Variants in THRB observed in about 807,000 individuals in gnomAD.
THRB encodes nuclear receptor subfamily 1 group A member 2.
A neutral mutation model predicts 47.8 loss-of-function variants in THRB; 12 were observed. The observed-to-expected ratio is 0.25, with a 90% CI of 0.16 to 0.41. The LOEUF (loss-of-function observed/expected upper bound fraction) is 0.41, where lower values mean the gene tolerates loss of function less well. THRB is among the 10% of genes least tolerant of loss of function. The pLI, the probability that THRB is intolerant of heterozygous loss-of-function variation, is 1.00. For missense variants in THRB, 348 were observed against 589.2 expected (o/e 0.59, Z 4.24); for synonymous variants, 218 against 212.2 (o/e 1.03, Z -0.24).
At chr3:24,316,261 C>T (rs569372639) in intron 2 of THRB, among the ~76,000 whole-genome samples, 1 of 152,280 alleles carries the variant, frequency 6.6e-6, no homozygotes, top group African/African-American at 2.4e-5. Flanking sequence ...TTTGGCTGAG[C>T]ACATACTTCT....
In THRB at chr3:24,206,027, C is replaced by G. The variant is rs182919712; in HGVS notation, c.23-15693G>C. On this transcript the variant is annotated intron_variant, in intron 4 of 10. Transcript: ENST00000646209. ...AAGTCCTTAGTGACCTACAAAGAGA[C>G]TTAGACTCCCACACAATAATAATGG... is the stretch of plus-strand genomic sequence containing the variant. Among the ~76,000 whole-genome samples, 880 of 152,298 alleles carry G rather than the reference C, an allele frequency of 5.8e-3. 9 individuals are homozygous for G. Among genetic ancestry groups the G allele is most frequent in the South Asian group, 0.042 (202 of 4,812 alleles).
chr3:24,192,657 C>A (rs2043490883), intron 4 of THRB, among the ~76,000 whole-genome samples: 1 of 152,094 alleles, frequency 6.6e-6, no homozygotes, highest in African/African-American at 2.4e-5. Context: ...CCTTAAAGTG[C>A]AGCCTATTAA....
chr3:24,428,961 T>TG (rs1172150754), intron 1 of THRB, among the ~76,000 whole-genome samples: 4 of 150,900 alleles, frequency 2.7e-5, no homozygotes, highest in Non-Finnish European at 5.9e-5. Flanking sequence ...TCAGAAATAA[T>TG]GGGAAAAAAC....
intron 1 of THRB, among the ~76,000 whole-genome samples, chr3:24,438,672 G>A (rs1303351372): frequency 1.3e-5 from 2 of 152,164 alleles, no homozygotes; most frequent in Non-Finnish European, 2.9e-5. Flanking sequence ...ACAGAAAACT[G>A]AAGCCTGCTG....
rs2052234746 is a variant in THRB, at chr3:24,262,984, G to A, written c.-42-33983C>T. 3.3e-5 allele frequency among the ~76,000 whole-genome samples: 5 copies of A among 152,108 alleles called. No homozygotes were observed. In the South Asian group the frequency reaches 6.2e-4, roughly 19 times the overall value. ...CTTTCATCCAGTTTAGGTGGCTGGC[G>A]AAAACTGAACATGTCTTCTAGAGTA... On this transcript the variant is annotated intron_variant, in intron 3 of 10. Coordinates refer to ENST00000646209, the MANE Select transcript of THRB (RefSeq NM_001354712.2).
intron 3 of THRB, among the ~76,000 whole-genome samples, chr3:24,268,910 A>C (rs904749976): frequency 6.6e-6 from 1 of 152,170 alleles, no homozygotes; most frequent in African/African-American, 2.4e-5. Flanking sequence ...AAAAGAAAAT[A>C]GAAAATTTCT....
chr3:24,188,915 C>A (rs1302544495), intron 5 of THRB, among the ~76,000 whole-genome samples: 1 of 125,312 alleles, frequency 8.0e-6, no homozygotes, highest in Non-Finnish European at 1.6e-5. Context: ...ACAAACCTTT[C>A]CAAAGGGACA....
At chr3:24,460,403 G>A (rs2073589924) in intron 1 of THRB, among the ~76,000 whole-genome samples, 1 of 152,150 alleles carries the variant, frequency 6.6e-6, no homozygotes, top group Non-Finnish European at 1.5e-5. Flanking sequence ...TCAGCAATGG[G>A]AAAAGTGACA....
At chr3:24,323,244 T>A (rs2058601263) in intron 2 of THRB, among the ~76,000 whole-genome samples, 1 of 151,514 alleles carries the variant, frequency 6.6e-6, no homozygotes, top group Admixed American at 6.6e-5. Flanking sequence ...TTTTTTTGGA[T>A]CCTGTTGTCT....
intron 2 of THRB, among the ~76,000 whole-genome samples, chr3:24,318,937 T>C (rs1041532753): frequency 6.6e-6 from 1 of 152,202 alleles, no homozygotes; most frequent in Non-Finnish European, 1.5e-5. Flanking sequence ...TCAAAAACCA[T>C]TGCACATGCA....
At chr3:24,383,654 C>A (rs902963470) in intron 1 of THRB, among the ~76,000 whole-genome samples, 1 of 152,136 alleles carries the variant, frequency 6.6e-6, no homozygotes, top group Admixed American at 6.6e-5. Flanking sequence ...TAACACAATT[C>A]TCTTTTCTTG....
chr3:24,392,729 A>G (rs116724599), intron 1 of THRB, among the ~76,000 whole-genome samples: 1 of 152,150 alleles, frequency 6.6e-6, no homozygotes, highest in East Asian at 1.9e-4. Flanking sequence ...TAGTCTTTAC[A>G]TAGTTATAGT....
chr3:24,494,465 C>T (rs1313091170), intron 1 of THRB, 187 bp downstream of exon 1: 2 of 151,796 alleles, frequency 1.3e-5, no homozygotes, highest in East Asian at 2.0e-4. Context: ...CTCCCAGATC[C>T]GGGGCGCAGA....
intron 1 of THRB, among the ~76,000 whole-genome samples, chr3:24,408,887 A>G (rs1160974523): frequency 2.3e-4 from 35 of 151,962 alleles, no homozygotes; most frequent in Non-Finnish European, 4.4e-5. Flanking sequence ...ACATTAAACT[A>G]TACTCTATAA....
chr3:24,486,915 A>G (rs1330608269), intron 1 of THRB, among the ~76,000 whole-genome samples: 1 of 152,246 alleles, frequency 6.6e-6, no homozygotes, highest in Non-Finnish European at 1.5e-5. Context: ...TTAGAAGTAT[A>G]GCAGAAATTG....
chr3:24,488,952 T>C (rs1222738817), intron 1 of THRB, among the ~76,000 whole-genome samples: 1 of 152,166 alleles, frequency 6.6e-6, no homozygotes, highest in East Asian at 1.9e-4. Context: ...TGGATGTTGG[T>C]CAATCAATAA....
Position 24,409,584 on chromosome 3 carries a change from T to C in THRB, c.-260-72213A>G, listed in dbSNP as rs908533472. Among the ~76,000 whole-genome samples, 3 of 151,790 alleles carry C rather than the reference T, an allele frequency of 2.0e-5. No individual in the cohort carries two copies. In the East Asian group the frequency reaches 5.9e-4, roughly 30 times the overall value. On this transcript the variant is annotated intron_variant, in intron 1 of 10. Coordinates refer to ENST00000646209, the MANE Select transcript of THRB (RefSeq NM_001354712.2). ...GAATTACAGTAGCTAGTGTATGCCATATGGCCACTGTAAAATTAAATGAAT... is the reference window on the plus strand; with the variant it reads ...GAATTACAGTAGCTAGTGTATGCCACATGGCCACTGTAAAATTAAATGAAT...
intron 2 of THRB, among the ~76,000 whole-genome samples, chr3:24,301,253 A>C (rs183792020): frequency 7.8e-4 from 119 of 152,288 alleles, no homozygotes; most frequent in African/African-American, 2.7e-3. Flanking sequence ...TAAACCACCA[A>C]GCTCATGTAA....
chr3:24,487,687 T>A (rs897803805), intron 1 of THRB, among the ~76,000 whole-genome samples: 16 of 152,190 alleles, frequency 1.1e-4, no homozygotes, highest in African/African-American at 3.6e-4. Context: ...AGCATGGGAA[T>A]CACAGCAGAA....
Sources: allele counts gnomAD v4.1 joint callset (sites outside exome capture counted in the v4.1 genomes callset), GRCh38; gene constraint gnomAD v4.1.1; transcripts MANE v1.5; gene names NCBI Gene and HGNC (gene_info 2026-07-23, HGNC 2026-07-21).